TNNI3K: variants seen among roughly 807,000 people sequenced by gnomAD.
TNNI3K encodes the protein serine/threonine-protein kinase TNNI3K.
A neutral mutation model predicts 114.5 loss-of-function variants in TNNI3K; 140 were observed. The observed-to-expected ratio is 1.22, with a 90% CI of 1.07 to 1.41. The LOEUF (loss-of-function observed/expected upper bound fraction) is 1.41. TNNI3K is among the 40% of genes most tolerant of loss of function. The pLI is 0.00. For synonymous variants in TNNI3K, 347 were observed against 347.5 expected (o/e 1.00, Z 0.02); for missense variants, 1,125 against 1,007.6 (o/e 1.12, Z -1.58).
At chr1:74,471,514 G>T (rs1667931975) in intron 21 of TNNI3K, 1 of 400,536 alleles carries the variant, frequency 2.5e-6, no homozygotes, top group Non-Finnish European at 4.4e-6. Context: ...AGACTGAGGG[G>T]TTCTCTTCCT....
At chr1:74,488,926 C>T (rs1668901011) in intron 21 of TNNI3K, among the ~76,000 whole-genome samples, 2 of 152,170 alleles carry the variant, frequency 1.3e-5, no homozygotes, top group Non-Finnish European at 2.9e-5. Flanking sequence ...ACATGCAAAG[C>T]TAATTAAAGC....
chr1:74,537,650 A>G (rs1481230027), intron 23 of TNNI3K, among the ~76,000 whole-genome samples: 1 of 152,226 alleles, frequency 6.6e-6, no homozygotes, highest in Non-Finnish European at 1.5e-5. Flanking sequence ...GATGTCAGAC[A>G]TAATCTCTGA....
chr1:74,461,357 G>A (rs1045224166), intron 20 of TNNI3K, among the ~76,000 whole-genome samples: 3 of 151,996 alleles, frequency 2.0e-5, no homozygotes, highest in African/African-American at 4.8e-5. Context: ...GCATGTGCCT[G>A]TAGTCCCAGC....
intron 7 of TNNI3K, among the ~76,000 whole-genome samples, chr1:74,340,964 G>C (rs1660720687): frequency 6.6e-6 from 1 of 152,152 alleles, no homozygotes; most frequent in Admixed American, 6.5e-5. Context: ...CTTGGGAGGA[G>C]AAACTCAGTG....
intron 17 of TNNI3K, chr1:74,371,022 C>T (rs541948323): frequency 3.8e-4 from 58 of 151,960 alleles, no homozygotes; most frequent in African/African-American, 1.3e-3. Context: ...ATTTACTTCC[C>T]ATTTCCCACT....
intron 5 of TNNI3K, among the ~76,000 whole-genome samples, chr1:74,320,179 C>T (rs1329426716): frequency 3.3e-5 from 5 of 152,134 alleles, no homozygotes; most frequent in Admixed American, 2.6e-4. Context: ...ATATAACCAA[C>T]GGAATGGTTG....
intron 17 of TNNI3K, among the ~76,000 whole-genome samples, chr1:74,393,070 C>T (rs147845074): frequency 4.6e-5 from 7 of 152,208 alleles, no homozygotes; most frequent in East Asian, 3.9e-4. Flanking sequence ...GTCATTGTGA[C>T]GATTAGCAGA....
intron 17 of TNNI3K, among the ~76,000 whole-genome samples, chr1:74,395,525 G>A (rs906979021): frequency 2.6e-5 from 4 of 152,188 alleles, no homozygotes; most frequent in Non-Finnish European, 5.9e-5. Context: ...GGGCAACCTC[G>A]TGTTTGAGCC....
intron 21 of TNNI3K, among the ~76,000 whole-genome samples, chr1:74,474,451 C>G (rs764578441): frequency 2.0e-5 from 3 of 152,070 alleles, no homozygotes; most frequent in Admixed American, 2.0e-4. Context: ...TTATTCTTAT[C>G]CAGTCGCCCC....
At chr1:74,417,236 A>G (rs1665160184) in intron 17 of TNNI3K, among the ~76,000 whole-genome samples, 1 of 152,066 alleles carries the variant, frequency 6.6e-6, no homozygotes, top group Non-Finnish European at 1.5e-5. Flanking sequence ...TGTACTGCTC[A>G]GATCTCCTGT....
At chr1:74,362,432 A>G (rs1425605075) in intron 11 of TNNI3K, among the ~76,000 whole-genome samples, 1 of 152,088 alleles carries the variant, frequency 6.6e-6, no homozygotes, top group African/African-American at 2.4e-5. Context: ...AGGGTCTCTG[A>G]GTCACCAAAT....
At chr1:74,362,797 AATAGAC>A (rs762351962) in intron 11 of TNNI3K, among the ~76,000 whole-genome samples, 1 of 152,148 alleles carries the variant, frequency 6.6e-6, no homozygotes, top group Non-Finnish European at 1.5e-5. Context: ...AAGGAACACA[AATAGAC>A]AAATTAAAGG....
At chr1:74,399,006 A>C (rs1043484107) in intron 17 of TNNI3K, among the ~76,000 whole-genome samples, 2 of 151,814 alleles carry the variant, frequency 1.3e-5, no homozygotes, top group African/African-American at 4.8e-5. Flanking sequence ...AAATACAAAA[A>C]TTAGCCAGGC....
intron 10 of TNNI3K, among the ~76,000 whole-genome samples, chr1:74,353,669 T>C (rs758350788): frequency 4.0e-5 from 6 of 149,464 alleles, no homozygotes; most frequent in Non-Finnish European, 5.9e-5. Flanking sequence ...AAACCTGTGA[T>C]GGGTCTTTGT....
chr1:74,320,704 TAG>T (rs1274534830), intron 5 of TNNI3K, among the ~76,000 whole-genome samples: 2 of 152,172 alleles, frequency 1.3e-5, no homozygotes, highest in Admixed American at 6.5e-5. Context: ...TTTTATTACT[TAG>T]TCTGTGTAAG....
At chr1:74,333,778 G>A (rs972343118) in intron 6 of TNNI3K, among the ~76,000 whole-genome samples, 5 of 152,156 alleles carry the variant, frequency 3.3e-5, no homozygotes, top group African/African-American at 1.2e-4. Context: ...TTTGCACCAA[G>A]AGCAATATTT....
At chr1:74,482,563 G>A (rs893016226) in intron 21 of TNNI3K, among the ~76,000 whole-genome samples, 2 of 152,076 alleles carry the variant, frequency 1.3e-5, no homozygotes, top group Admixed American at 6.6e-5. Flanking sequence ...CAGAGTCGTG[G>A]GATATTAGAA....
At chr1:74,537,774 T>C (rs1041829883) in intron 23 of TNNI3K, among the ~76,000 whole-genome samples, 5 of 152,216 alleles carry the variant, frequency 3.3e-5, no homozygotes, top group African/African-American at 9.6e-5. Flanking sequence ...TAGAGGGGTA[T>C]GGAAGAGGAA....
chr1:74,443,375 A>G (rs1464890602), intron 20 of TNNI3K, among the ~76,000 whole-genome samples: 7 of 152,172 alleles, frequency 4.6e-5, no homozygotes, highest in Non-Finnish European at 7.4e-5. Context: ...AGAATACTAT[A>G]AACACCTCTA....
Sources: allele counts gnomAD v4.1 joint callset (sites outside exome capture counted in the v4.1 genomes callset), GRCh38; gene constraint gnomAD v4.1.1; transcripts MANE v1.5; gene names NCBI Gene and HGNC (gene_info 2026-07-23, HGNC 2026-07-21).